The following IFT80 variants were observed in gnomAD, a reference collection of about 807,000 sequenced individuals.
IFT80 encodes the protein intraflagellar transport protein 80 homolog.
In IFT80, 79 loss-of-function variants were observed where a neutral mutation model predicts 107.9. The ratio of observed to expected loss-of-function variants is 0.73; its 90% CI spans 0.61 to 0.88. The LOEUF (loss-of-function observed/expected upper bound fraction) is 0.88. Ranked by LOEUF, IFT80 falls within the 40% of genes least tolerant of loss-of-function variation. The pLI, the probability that IFT80 is intolerant of heterozygous loss-of-function variation, is 0.00. For synonymous variants in IFT80, 299 were observed against 300.9 expected, an observed-to-expected ratio of 0.99 and a Z score of 0.07; for missense variants, 797 against 914.2, an observed-to-expected ratio of 0.87 and a Z score of 1.65.
At chr3:160,259,515 T>C (rs1161528173) in intron 19 of IFT80, among the ~76,000 whole-genome samples, 1 of 152,140 alleles carries the variant, frequency 6.6e-6, no homozygotes, top group Non-Finnish European at 1.5e-5. Flanking sequence ...AAGTAAGACA[T>C]GGTGGTCATT....
chr3:160,294,609 AC>A (rs1244872697), intron 12 of IFT80, among the ~76,000 whole-genome samples: 1 of 152,234 alleles, frequency 6.6e-6, no homozygotes, highest in African/African-American at 2.4e-5. Flanking sequence ...TTAATTACTA[AC>A]AAGTGAGATT....
intron 8 of IFT80, among the ~76,000 whole-genome samples, chr3:160,337,977 C>A (rs895173366): frequency 6.6e-6 from 1 of 152,032 alleles, no homozygotes; most frequent in Non-Finnish European, 1.5e-5. Flanking sequence ...TTGCTTTGGG[C>A]GTCATCTTTG....
chr3:160,268,017 G>A (rs1473712457), intron 19 of IFT80, among the ~76,000 whole-genome samples: 1 of 152,154 alleles, frequency 6.6e-6, no homozygotes, highest in Non-Finnish European at 1.5e-5. Flanking sequence ...ATTCTACAAA[G>A]TGACCAACTA....
intron 9 of IFT80, among the ~76,000 whole-genome samples, chr3:160,314,261 T>A (rs1208317808): frequency 1.3e-5 from 2 of 152,104 alleles, no homozygotes; most frequent in Non-Finnish European, 2.9e-5. Flanking sequence ...TTATACCCCA[T>A]CCTAAAGTTA....
chr3:160,280,344 T>C (rs1229790011), intron 15 of IFT80, among the ~76,000 whole-genome samples: 1 of 152,186 alleles, frequency 6.6e-6, no homozygotes, highest in Non-Finnish European at 1.5e-5. Context: ...TGTCACAAGG[T>C]TGTGCATCCT....
chr3:160,336,295 A>T (rs1045158355), intron 8 of IFT80, among the ~76,000 whole-genome samples: 1 of 152,180 alleles, frequency 6.6e-6, no homozygotes, highest in Non-Finnish European at 1.5e-5. Context: ...AAATAATTTA[A>T]ATCACTGAAA....
Position 160,307,727 on chromosome 3 carries a change from T to G in IFT80, c.1012A>C (p.Ile338Leu). 1 of 1,608,260 alleles carries G rather than the reference T, an allele frequency of 6.2e-7. No individual in the cohort carries two copies. The highest frequency in any genetic ancestry group is 8.5e-7 in the Non-Finnish European group (1 of 1,174,756). The change falls in exon 10 of 20, where the codon ATT (isoleucine) becomes CTT (leucine). Residue 338 changes from isoleucine to leucine, a missense_variant. By Grantham distance (5) the Ile-to-Leu change is conservative (BLOSUM62 2). Transcript: ENST00000326448. The stretch of plus-strand genomic sequence containing the variant: ...TGTGCATAGTTCAAAGATGCTTTAA[T>G]GACTCTATCACGGAATTCCAGTAAA... ...VDLLEFRDRV[I>L]KASLNYAHLV...
rs112378844 is a variant in IFT80, at chr3:160,350,340, C to T, written c.777+5673G>A. On this transcript the variant is annotated intron_variant, in intron 8 of 19. Coordinates refer to ENST00000326448, the MANE Select transcript of IFT80 (RefSeq NM_020800.3). ...CTGAGGCACAAGAATCACTTGAACC[C>T]GGGAGGCAGAGATTGCAGTGAGCTG... Among the ~76,000 whole-genome samples, 1,029 of 150,412 alleles carry T rather than the reference C, an allele frequency of 6.8e-3. 15 individuals carry two copies. The highest frequency in any genetic ancestry group is 0.024 in the African/African-American group (977 of 40,838).
chr3:160,266,748 G>T (rs1223854080), intron 19 of IFT80, among the ~76,000 whole-genome samples: 1 of 152,086 alleles, frequency 6.6e-6, no homozygotes, highest in African/African-American at 2.4e-5. Flanking sequence ...TTGATGGCGA[G>T]GAGGAAAAAG....
chr3:160,292,365 G>A (rs2108253273), intron 12 of IFT80, among the ~76,000 whole-genome samples: 1 of 152,094 alleles, frequency 6.6e-6, no homozygotes, highest in South Asian at 2.1e-4. Flanking sequence ...TTAAAACAGT[G>A]GTTTTCTAAA....
chr3:160,279,134 G>C (rs2108228856), intron 16 of IFT80, 59 bp downstream of exon 16: 1 of 1,382,096 alleles, frequency 7.2e-7, no homozygotes, highest in East Asian at 2.3e-5. Flanking sequence ...TACTCATTTT[G>C]CACAAAGGTA....
chr3:160,271,952 A>C (rs1713844285), intron 18 of IFT80, among the ~76,000 whole-genome samples: 1 of 152,070 alleles, frequency 6.6e-6, no homozygotes, highest in South Asian at 2.1e-4. Flanking sequence ...AAAAAAAAAA[A>C]AACCTAAATC....
intron 8 of IFT80, among the ~76,000 whole-genome samples, chr3:160,338,009 T>G (rs1055239340): frequency 3.3e-5 from 5 of 152,190 alleles, no homozygotes; most frequent in African/African-American, 4.8e-5. Context: ...TATATGTACT[T>G]TGGATCTTCT....
intron 8 of IFT80, among the ~76,000 whole-genome samples, chr3:160,322,891 T>G (rs1170793703): frequency 6.6e-6 from 1 of 152,140 alleles, no homozygotes; most frequent in East Asian, 1.9e-4. Flanking sequence ...TTGTTTGTTT[T>G]TTTCTTGTAA....
intron 12 of IFT80, chr3:160,299,028 T>C: frequency 2.9e-6 from 2 of 685,018 alleles, no homozygotes; most frequent in Non-Finnish European, 3.6e-6. Flanking sequence ...TTAAAGCTTT[T>C]ATCTAAAATA....
chr3:160,383,846 T>A (rs1006628837), intron 2 of IFT80: 1 of 985,292 alleles, frequency 1.0e-6, no homozygotes, highest in Non-Finnish European at 1.2e-6. Flanking sequence ...ACTGCTCAGA[T>A]TTCCCCAACT....
At chr3:160,315,606 C>T (rs1004107726) in intron 9 of IFT80, among the ~76,000 whole-genome samples, 3 of 152,150 alleles carry the variant, frequency 2.0e-5, no homozygotes, top group Non-Finnish European at 4.4e-5. Context: ...TTCACACTCA[C>T]CAGCTGGATT....
chr3:160,338,743 C>A lies in IFT80; in HGVS notation c.777+17270G>T, dbSNP rs146386517. The stretch of plus-strand genomic sequence containing the variant: ...GGCCCTGGGATCTGGACCTTACTGA[C>A]CACTGATCTTTGAAAAATCTCTCAG... On this transcript the variant is annotated intron_variant, in intron 8 of 19. Transcript: ENST00000326448. 4.2e-3 allele frequency among the ~76,000 whole-genome samples: 639 copies of A among 152,210 alleles called. 7 individuals carry two copies. The highest frequency in any genetic ancestry group is 0.015 in the African/African-American group (605 of 41,548).
chr3:160,264,276 C>CA (rs1713108616), intron 19 of IFT80, among the ~76,000 whole-genome samples: 1 of 142,184 alleles, frequency 7.0e-6, no homozygotes, highest in Non-Finnish European at 1.5e-5. Context: ...TGCCCAGTTA[C>CA]TTTTTTTTTT....
Sources: allele counts gnomAD v4.1 joint callset (sites outside exome capture counted in the v4.1 genomes callset), GRCh38; gene constraint gnomAD v4.1.1; transcripts MANE v1.5; gene names NCBI Gene and HGNC (gene_info 2026-07-23, HGNC 2026-07-21).